The following RNF24 variants were observed in gnomAD, a reference collection of about 807,000 sequenced individuals.
RNF24 encodes the protein ring finger protein 24.
Under a neutral mutation model 20.0 loss-of-function variants are expected in RNF24, and 14 were observed. That is an observed-to-expected ratio of 0.70 (90% CI 0.46 to 1.10). RNF24 has a LOEUF of 1.10. RNF24 is among the 50% of genes least tolerant of loss of function. RNF24 has a pLI of 0.00. For synonymous variants in RNF24, 45 were observed against 61.1 expected, an observed-to-expected ratio of 0.74 and a Z score of 1.23; for missense variants, 124 against 177.6, an observed-to-expected ratio of 0.70 and a Z score of 1.71.
Position 3,934,081 on chromosome 20 carries a change from C to T in RNF24, c.429G>A (p.Gly143=), listed in dbSNP as rs1290000661. ...CGGTAAGCTATACAATGTTCTCTGC[C>T]CCAGGAAGGGGCCCCTGAGGGGGTC... ...DRGPPQGPLP[G]AENIV Residue 143 remains glycine, a synonymous_variant, in exon 6 of 6, where the codon GGG becomes GGA. Coordinates refer to ENST00000358395, the MANE Select transcript of RNF24 (RefSeq NM_001134337.3). This position sits in a 1 kb window ranked among gnomAD's most constrained non-coding sequence, Gnocchi z 4.0. The T allele has an allele frequency of 6.6e-7, 1 of 1,507,904 alleles. No homozygotes were observed. Among genetic ancestry groups the T allele is most frequent in the Non-Finnish European group, 8.8e-7 (1 of 1,130,846 alleles). The allele number at this position is 1,507,904 out of a possible 1,614,324, so 93.4% of individuals were successfully genotyped here. A position where few individuals can be genotyped will look rare whatever the true frequency, so the allele number is the denominator to read the frequency against.
At position 3,928,011 on chromosome 20, in the gene RNF24, G is replaced by A. The variant is rs544153769; in HGVS notation, c.*6052C>T. ...CTACACAAGCCCCTCTTTTTCTTCT[G>A]ATATCCCCACTCAAATGGAAGCACA... On this transcript the variant is annotated 3_prime_UTR_variant, in exon 6 of 6. Coordinates refer to ENST00000358395, the MANE Select transcript of RNF24 (RefSeq NM_001134337.3). The A allele has an allele frequency of 6.6e-6, 1 of 152,200 alleles. No homozygotes were observed. The highest frequency in any genetic ancestry group is 2.4e-5 in the African/African-American group (1 of 41,542). 9.4% of individuals were successfully genotyped at this position (152,200 alleles called of 1,614,324 possible).
chr20:3,933,208 C>A lies in RNF24; in HGVS notation c.*855G>T, dbSNP rs944219856. ...AGTATGGGCCATTCTCAAAAAGCCACTGCTCTTTGGAGCCACTCGAGAGGT... is the reference window on the plus strand; with the variant it reads ...AGTATGGGCCATTCTCAAAAAGCCAATGCTCTTTGGAGCCACTCGAGAGGT... On this transcript the variant is annotated 3_prime_UTR_variant, in exon 6 of 6. Transcript: ENST00000358395. 3 of 398,212 alleles carry A rather than the reference C, an allele frequency of 7.5e-6. No individual in the cohort carries two copies. The highest frequency in any genetic ancestry group is 1.3e-5 in the Non-Finnish European group (3 of 225,986). The allele number at this position is 398,212 out of a possible 1,614,324, so 24.7% of individuals were successfully genotyped here. A position where few individuals can be genotyped will look rare whatever the true frequency, so the allele number is the denominator to read the frequency against.
chr20:3,994,512 T>G (rs1980707986), intron 1 of RNF24, among the ~76,000 whole-genome samples: 2 of 152,198 alleles, frequency 1.3e-5, no homozygotes, highest in Admixed American at 6.5e-5. Context: ...ACAGGGTAAA[T>G]TAATAACTAA....
intron 3 of RNF24, among the ~76,000 whole-genome samples, chr20:3,945,715 CAA>C (rs11481275): frequency 1.3e-4 from 15 of 115,456 alleles, no homozygotes; most frequent in Admixed American, 4.7e-4. Flanking sequence ...AACTCCGTCT[CAA>C]AAAAAAAAAA....
At chr20:3,992,585 T>C (rs1259935216) in intron 1 of RNF24, among the ~76,000 whole-genome samples, 2 of 152,198 alleles carry the variant, frequency 1.3e-5, no homozygotes, top group East Asian at 1.9e-4. Flanking sequence ...CTCCTTGTTT[T>C]CAATTAGTTA....
chr20:3,945,249 C>T (rs780553036), intron 3 of RNF24, 31 bp from the exon 4 acceptor site: 7 of 1,547,332 alleles, frequency 4.5e-6, no homozygotes, highest in Non-Finnish European at 6.1e-6. Context: ...TTCTTATGCC[C>T]ATTTAAATCT....
intron 1 of RNF24, among the ~76,000 whole-genome samples, chr20:4,001,387 T>C (rs935132446): frequency 6.6e-6 from 1 of 152,126 alleles, no homozygotes; most frequent in Admixed American, 6.5e-5. Context: ...TCAGATCTAA[T>C]AAACTCAGAA....
chr20:3,957,441 G>A (rs2091154861), intron 2 of RNF24, among the ~76,000 whole-genome samples: 1 of 145,916 alleles, frequency 6.9e-6, no homozygotes, highest in African/African-American at 2.5e-5. Flanking sequence ...CTGGGTGACA[G>A]GCTGAGACCC....
In RNF24 at chr20:3,932,936, G is replaced by C; in HGVS notation, c.*1127C>G. 1 of 398,542 alleles carries C rather than the reference G, an allele frequency of 2.5e-6. No individual in the cohort carries two copies. The highest frequency in any genetic ancestry group is 3.6e-5 in the East Asian group (1 of 28,084). The allele number at this position is 398,542 out of a possible 1,614,324, so 24.7% of individuals were successfully genotyped here. On this transcript the variant is annotated 3_prime_UTR_variant, in exon 6 of 6. Transcript: ENST00000358395. ...CAGTTTCGGAAGTCCAAATACTGAGGCACACACCAACGGTGGACAGCCCTG... is the reference window on the plus strand; with the variant it reads ...CAGTTTCGGAAGTCCAAATACTGAGCCACACACCAACGGTGGACAGCCCTG...
At position 3,933,019 on chromosome 20, in the gene RNF24, C is replaced by G; in HGVS notation, c.*1044G>C. The G allele has an allele frequency of 7.7e-6, 3 of 391,462 alleles. No individual in the cohort carries two copies. The highest frequency in any genetic ancestry group is 9.0e-6 in the Non-Finnish European group (2 of 223,194). 24.2% of individuals were successfully genotyped at this position (391,462 alleles called of 1,614,324 possible). A position where few individuals can be genotyped will look rare whatever the true frequency, so the allele number is the denominator to read the frequency against. On this transcript the variant is annotated 3_prime_UTR_variant, in exon 6 of 6. Coordinates refer to ENST00000358395, the MANE Select transcript of RNF24 (RefSeq NM_001134337.3). ...GTGGATCACCAGCTTCAGAATTACACAGGGATCTTATTTGGGATAAAGTGT... is the reference window on the plus strand; with the variant it reads ...GTGGATCACCAGCTTCAGAATTACAGAGGGATCTTATTTGGGATAAAGTGT...
At chr20:3,975,155 G>C (rs1600678626) in intron 1 of RNF24, among the ~76,000 whole-genome samples, 1 of 152,268 alleles carries the variant, frequency 6.6e-6, no homozygotes, top group South Asian at 2.1e-4. Flanking sequence ...TCTCAATGGA[G>C]AGAGTATATG....
chr20:3,981,513 T>G (rs1979378217), intron 1 of RNF24, among the ~76,000 whole-genome samples: 1 of 137,744 alleles, frequency 7.3e-6, no homozygotes. Context: ...ACTTTTTTTC[T>G]TTTTTTTTTT....
chr20:3,929,194 A>G lies in RNF24; in HGVS notation c.*4869T>C, dbSNP rs977731112. 6.6e-6 allele frequency: 1 copy of G among 152,238 alleles called. No homozygotes were observed. The highest frequency in any genetic ancestry group is 1.5e-5 in the Non-Finnish European group (1 of 68,086). 9.4% of individuals were successfully genotyped at this position (152,238 alleles called of 1,614,324 possible). A position where few individuals can be genotyped will look rare whatever the true frequency, so the allele number is the denominator to read the frequency against. On this transcript the variant is annotated 3_prime_UTR_variant, in exon 6 of 6. Transcript: ENST00000358395. The stretch of plus-strand genomic sequence containing the variant: ...TTCAAAGTGTGTGCACAGAGTGAGG[A>G]GGCCAGCCTGGGCAACATAGTGAGT...
chr20:3,944,964 T>C (rs2090999374), intron 4 of RNF24, among the ~76,000 whole-genome samples: 1 of 152,242 alleles, frequency 6.6e-6, no homozygotes, highest in Admixed American at 6.5e-5. Context: ...AATTTTATAA[T>C]GGTGTCATCA....
At chr20:3,937,914 A>C (rs535715816) in intron 4 of RNF24, among the ~76,000 whole-genome samples, 1 of 152,190 alleles carries the variant, frequency 6.6e-6, no homozygotes, top group African/African-American at 2.4e-5. Flanking sequence ...ATACTGCTAT[A>C]AACACTGGTG....
chr20:3,988,566 CCTT>C (rs1046764409), intron 1 of RNF24, among the ~76,000 whole-genome samples: 7 of 151,040 alleles, frequency 4.6e-5, no homozygotes, highest in African/African-American at 1.7e-4. Flanking sequence ...CTCAAGCAAT[CCTT>C]CTGCCTTAGC....
intron 1 of RNF24, among the ~76,000 whole-genome samples, chr20:4,005,216 G>A (rs1234743659): frequency 1.3e-5 from 2 of 152,168 alleles, no homozygotes; most frequent in South Asian, 2.1e-4. Flanking sequence ...GAGGATTGCT[G>A]TAAGCAGTAA....
chr20:3,991,925 T>G (rs549581471), intron 1 of RNF24, among the ~76,000 whole-genome samples: 1 of 150,360 alleles, frequency 6.7e-6, no homozygotes, highest in East Asian at 2.0e-4. Context: ...TGTGTGGCTA[T>G]ATACACACAC....
At chr20:3,960,783 A>C (rs1223177148) in intron 2 of RNF24, among the ~76,000 whole-genome samples, 1 of 152,080 alleles carries the variant, frequency 6.6e-6, no homozygotes, top group Non-Finnish European at 1.5e-5. Context: ...AACAGATCCT[A>C]ATTTCTTTGC....
Sources: gnomAD v4.1 joint callset for allele counts (sites outside exome capture counted in the v4.1 genomes callset) on GRCh38, gnomAD v4.1.1 for gene constraint, Gnocchi (gnomAD v3.1) non-coding constraint, MANE v1.5 for transcripts, NCBI Gene and HGNC (gene_info 2026-07-23, HGNC 2026-07-21) for gene names.